TMEM45B: variants seen among roughly 807,000 people sequenced by gnomAD.
The protein encoded by TMEM45B is transmembrane protein 45B.
TMEM45B carries 29 observed loss-of-function variants against 27.3 expected under a neutral mutation model. That is an observed-to-expected ratio of 1.06 (90% CI 0.79 to 1.45). TMEM45B has a LOEUF of 1.45. Among genes scored for constraint, TMEM45B ranks in the 40% most tolerant of loss-of-function variants. TMEM45B has a pLI of 0.00. For missense variants in TMEM45B, 348 were observed against 343.9 expected (o/e 1.01, Z -0.09); for synonymous variants, 143 against 134.7 (o/e 1.06, Z -0.43).
At chr11:129,858,448 A>T in intron 5 of TMEM45B, 126 bp from the exon 6 acceptor site, 2 of 608,540 alleles carry the variant, frequency 3.3e-6, no homozygotes, top group Non-Finnish European at 5.7e-6. Context: ...GTTTATAGAC[A>T]TGTAATCACA....
intron 1 of TMEM45B, among the ~76,000 whole-genome samples, chr11:129,829,293 T>A (rs894561325): frequency 2.6e-5 from 4 of 152,232 alleles, no homozygotes; most frequent in Non-Finnish European, 4.4e-5. Context: ...AAAACTAAGA[T>A]AACAGTTGAC....
chr11:129,835,122 A>G (rs958879338), intron 1 of TMEM45B, among the ~76,000 whole-genome samples: 2 of 152,214 alleles, frequency 1.3e-5, no homozygotes, highest in Non-Finnish European at 2.9e-5. Context: ...TGCTGCTCAT[A>G]GTAAAATATG....
rs915526059 is a variant in TMEM45B at position 129,858,781 on chromosome 11, G to A, written c.*96G>A. On this transcript the variant is annotated 3_prime_UTR_variant, in exon 6 of 6. Coordinates refer to ENST00000281441, the MANE Select transcript of TMEM45B (RefSeq NM_138788.5). ...ATGCCTGCTGTGGTCTGATCTTAAG[G>A]GTCTATATATTTGCACCTCCTCATT... 1.7e-5 allele frequency: 15 copies of A among 883,400 alleles called. No homozygotes were observed. The Admixed American group carries it at 3.4e-4, about 20-fold the overall frequency. 54.7% of individuals were successfully genotyped at this position (883,400 alleles called of 1,614,324 possible). A position where few individuals can be genotyped will look rare whatever the true frequency, so the allele number is the denominator to read the frequency against.
intron 2 of TMEM45B, 189 bp downstream of exon 2, chr11:129,852,849 C>G: frequency 2.1e-6 from 1 of 486,556 alleles, no homozygotes; most frequent in Non-Finnish European, 3.4e-6. Context: ...TAACGGTTGA[C>G]AGCTCTCACA....
chr11:129,849,249 G>T lies in TMEM45B; in HGVS notation c.-8-3226G>T, dbSNP rs186464031. 1.4e-4 allele frequency among the ~76,000 whole-genome samples: 21 copies of T among 152,296 alleles called. No individual in the cohort carries two copies. The East Asian group carries it at 3.5e-3, about 25-fold the overall frequency. On this transcript the variant is annotated intron_variant, in intron 1 of 5. Transcript: ENST00000281441. ...GAGCCTGTGAATTCAAATGAGTTGC[G>T]TACTTTGATTCAAATACAATGGCGT...
intron 1 of TMEM45B, among the ~76,000 whole-genome samples, chr11:129,843,312 G>A (rs1396787963): frequency 6.6e-6 from 1 of 152,182 alleles, no homozygotes; most frequent in Non-Finnish European, 1.5e-5. Context: ...TTATGATTTT[G>A]TAGTTTATCT....
At chr11:129,848,403 C>T (rs920177933) in intron 1 of TMEM45B, among the ~76,000 whole-genome samples, 65 of 152,212 alleles carry the variant, frequency 4.3e-4, no homozygotes, top group Non-Finnish European at 8.8e-4. Flanking sequence ...ATCCCAGGCA[C>T]TCGGCAGGCT....
intron 1 of TMEM45B, among the ~76,000 whole-genome samples, chr11:129,825,007 A>T (rs1270229613): frequency 6.6e-6 from 1 of 152,154 alleles, no homozygotes; most frequent in African/African-American, 2.4e-5. Flanking sequence ...ATTCAGGTAT[A>T]CCCAATGCAA....
chr11:129,845,607 C>T (rs11221876), intron 1 of TMEM45B, among the ~76,000 whole-genome samples: 62,744 of 151,580 alleles, frequency 0.41, 13,339 homozygotes, highest in East Asian at 0.53. Context: ...AAATGAGGCA[C>T]GGAGGAACAA....
rs1555069266 is a variant in TMEM45B, at chr11:129,826,567, A to AAGAAAAGAAAAAT, written c.-9+10671_-9+10672insAAAAGAAAAATAG. On this transcript the variant is annotated intron_variant, in intron 1 of 5. Coordinates refer to ENST00000281441, the MANE Select transcript of TMEM45B (RefSeq NM_138788.5). The stretch of plus-strand genomic sequence containing the variant: ...CTGTCACAAAAAAAAAAAAAAAAAA[A>AAGAAAAGAAAAAT]AGGACCCTGAGAGGCTATGTGTCTT... 2.8e-4 allele frequency among the ~76,000 whole-genome samples: 27 copies of AAGAAAAGAAAAAT among 96,126 alleles called. 1 individual carries two copies. Among genetic ancestry groups the AAGAAAAGAAAAAT allele is most frequent in the Non-Finnish European group, 4.0e-4 (20 of 49,886 alleles). 63.1% of individuals were successfully genotyped at this position (96,126 alleles called of 152,430 possible).
chr11:129,842,639 A>G (rs1947709792), intron 1 of TMEM45B, among the ~76,000 whole-genome samples: 2 of 152,344 alleles, frequency 1.3e-5, no homozygotes, highest in Middle Eastern at 6.8e-3. Flanking sequence ...ATATACAAAA[A>G]TCAACTAAAG....
chr11:129,856,035 C>A (rs1947919815), intron 4 of TMEM45B, 143 bp downstream of exon 4: 3 of 913,348 alleles, frequency 3.3e-6, no homozygotes, highest in East Asian at 2.7e-5. Flanking sequence ...TGACCCTTTT[C>A]CCCCCATGCC....
chr11:129,845,878 T>A (rs1261173542), intron 1 of TMEM45B, among the ~76,000 whole-genome samples: 1 of 152,116 alleles, frequency 6.6e-6, no homozygotes, highest in East Asian at 1.9e-4. Flanking sequence ...AAGCCTCTTC[T>A]GGAAGCTGCA....
intron 1 of TMEM45B, among the ~76,000 whole-genome samples, chr11:129,824,558 C>T (rs969767265): frequency 6.6e-6 from 1 of 152,136 alleles, no homozygotes; most frequent in African/African-American, 2.4e-5. Flanking sequence ...ACGGTACCAA[C>T]AATTTTACCA....
intron 1 of TMEM45B, among the ~76,000 whole-genome samples, chr11:129,821,710 T>C (rs565411387): frequency 7.0e-4 from 106 of 152,340 alleles, no homozygotes; most frequent in African/African-American, 2.3e-3. Flanking sequence ...TTTATTCTAC[T>C]TTCTTACGGT....
chr11:129,826,567 A>AAGAAAAAGAAAAAT (rs1555069266), intron 1 of TMEM45B, among the ~76,000 whole-genome samples: 6 of 96,122 alleles, frequency 6.2e-5, no homozygotes, highest in Admixed American at 2.6e-4. Flanking sequence ...AAAAAAAAAA[A>AAGAAAAAGAAAAAT]AGGACCCTGA....
chr11:129,833,015 G>A (rs1947569905), intron 1 of TMEM45B, among the ~76,000 whole-genome samples: 1 of 152,096 alleles, frequency 6.6e-6, no homozygotes, highest in Non-Finnish European at 1.5e-5. Flanking sequence ...GCCGAGGCAG[G>A]CGGATCACCT....
At chr11:129,818,816 T>C (rs944355722) in intron 1 of TMEM45B, among the ~76,000 whole-genome samples, 2 of 152,222 alleles carry the variant, frequency 1.3e-5, no homozygotes, top group Non-Finnish European at 2.9e-5. Flanking sequence ...AAGTCCAATC[T>C]TGTGGTTTTT....
At chr11:129,828,699 C>T (rs1419187558) in intron 1 of TMEM45B, among the ~76,000 whole-genome samples, 7 of 152,140 alleles carry the variant, frequency 4.6e-5, no homozygotes, top group Admixed American at 6.5e-5. Flanking sequence ...GAGTTCCTGC[C>T]GGCAAGGACA....
Sources: gnomAD v4.1 joint callset for allele counts (sites outside exome capture counted in the v4.1 genomes callset) on GRCh38, gnomAD v4.1.1 for gene constraint, MANE v1.5 for transcripts, NCBI Gene and HGNC (gene_info 2026-07-23, HGNC 2026-07-21) for gene names.